RBM19: variants seen among roughly 807,000 people sequenced by gnomAD.
The protein encoded by RBM19 is RNA binding motif protein 19, also known as probable RNA-binding protein 19.
In RBM19, 94 loss-of-function variants were observed where a neutral mutation model predicts 116.8. The ratio of observed to expected loss-of-function variants is 0.80; its 90% CI spans 0.68 to 0.95. The LOEUF (loss-of-function observed/expected upper bound fraction) is 0.95. Among genes scored for constraint, RBM19 ranks in the 40% least tolerant of loss-of-function variants. The probability of loss-of-function intolerance (pLI) is 0.00; values close to 1 mark genes in which losing one functional copy is unlikely to be tolerated. For missense variants in RBM19, 1,161 were observed against 1,220.7 expected (o/e 0.95, Z 0.73); for synonymous variants, 475 against 494.1 (o/e 0.96, Z 0.51).
chr12:113,906,394 G>A (rs1164011549), intron 21 of RBM19, among the ~76,000 whole-genome samples: 2 of 152,162 alleles, frequency 1.3e-5, no homozygotes, highest in East Asian at 1.9e-4. Context: ...TTTACAGAAA[G>A]TACAAAAACA....
rs773723477 is a variant in RBM19 at position 113,903,006 on chromosome 12, A to G, written c.2558+11963T>C. 3.9e-5 allele frequency among the ~76,000 whole-genome samples: 6 copies of G among 152,148 alleles called. No homozygotes were observed. The highest frequency in any genetic ancestry group is 8.8e-5 in the Non-Finnish European group (6 of 68,024). The stretch of plus-strand genomic sequence containing the variant: ...AACCCTTGCCACAGCCAATTTTAGA[A>G]GATTTTCATTACCTCACACAGAAGT... On this transcript the variant is annotated intron_variant, in intron 21 of 23. Transcript: ENST00000261741. This position sits in a 1 kb window ranked among gnomAD's most constrained non-coding sequence, Gnocchi z 5.1.
intron 21 of RBM19, among the ~76,000 whole-genome samples, chr12:113,912,653 C>A (rs1361289476): frequency 6.6e-6 from 1 of 152,204 alleles, no homozygotes; most frequent in African/African-American, 2.4e-5. Context: ...CACGGGAAGG[C>A]ATTCAAGCTC....
At chr12:113,893,044 A>G (rs61930720) in intron 21 of RBM19, among the ~76,000 whole-genome samples, 1 of 146,184 alleles carries the variant, frequency 6.8e-6, no homozygotes, top group Non-Finnish European at 1.5e-5. Context: ...TTTTTTTTTA[A>G]TAAGAGAGAT....
chr12:113,880,466 C>T (rs930908940), intron 21 of RBM19, among the ~76,000 whole-genome samples: 5 of 152,206 alleles, frequency 3.3e-5, no homozygotes, highest in African/African-American at 1.2e-4. Flanking sequence ...TACGACAGCT[C>T]TTGTTCTGTG....
At chr12:113,820,682 G>A (rs565142689), downstream of RBM19, among the ~76,000 whole-genome samples, 1 of 152,272 alleles carries the variant, frequency 6.6e-6, no homozygotes, top group South Asian at 2.1e-4. Flanking sequence ...GGGGCACCCT[G>A]AGATCTCTGT....
chr12:113,918,438 C>T lies in RBM19; in HGVS notation c.2395G>A (p.Val799Met), dbSNP rs1252351010. The T allele has an allele frequency of 6.2e-6, 10 of 1,614,052 alleles. No individual in the cohort carries two copies. The highest frequency in any genetic ancestry group is 2.2e-5 in the East Asian group (1 of 44,882). The change falls in exon 20 of 24, where the codon GTG becomes ATG. Residue 799 changes from valine (V) to methionine (M), a missense_variant. Val to Met is a conservative substitution (Grantham distance 21). Coordinates refer to ENST00000261741, the MANE Select transcript of RBM19 (RefSeq NM_016196.4). ...KALKQLQGHV[V>M]DGHKLEVRIS... ...CTCACTTCCAGCTTGTGGCCGTCCA[C>T]GACGTGACCCTAAGAGAGAAGACAA...
chr12:113,828,099 CAA>C (rs34234377), intron 23 of RBM19, among the ~76,000 whole-genome samples: 274 of 67,296 alleles, frequency 4.1e-3, no homozygotes, highest in African/African-American at 0.01. Flanking sequence ...GACTCTGTCT[CAA>C]AAAAAAAAAA....
chr12:113,936,738 T>C (rs1363862655), intron 16 of RBM19: 1 of 321,920 alleles, frequency 3.1e-6, no homozygotes, highest in Admixed American at 4.7e-5. Flanking sequence ...TGTTTATACT[T>C]GCTCTGCTTT....
intron 21 of RBM19, among the ~76,000 whole-genome samples, chr12:113,888,582 C>T (rs2135802545): frequency 6.6e-6 from 1 of 152,120 alleles, no homozygotes; most frequent in Middle Eastern, 3.4e-3. Flanking sequence ...TTAAGAGAAA[C>T]ATGTGAGAGG....
intron 6 of RBM19, among the ~76,000 whole-genome samples, chr12:113,957,396 C>T (rs1872037627): frequency 1.3e-5 from 2 of 152,002 alleles, no homozygotes; most frequent in South Asian, 4.2e-4. Context: ...GCTAACATGA[C>T]AAAACCCCAT....
chr12:113,901,954 A>T (rs1175998117), intron 21 of RBM19, among the ~76,000 whole-genome samples: 3 of 152,126 alleles, frequency 2.0e-5, no homozygotes, highest in African/African-American at 4.8e-5. Context: ...CTTTTAAAAA[A>T]CCTTTGAATT....
intron 16 of RBM19, 132 bp from the exon 17 acceptor site, chr12:113,927,361 C>T: frequency 9.2e-7 from 1 of 1,084,572 alleles, no homozygotes; most frequent in South Asian, 1.7e-5. Context: ...CGGGCAGTGG[C>T]AGGAAGGGGC....
intron 21 of RBM19, among the ~76,000 whole-genome samples, chr12:113,907,966 C>A (rs1337047715): frequency 6.6e-6 from 1 of 152,158 alleles, no homozygotes; most frequent in African/African-American, 2.4e-5. Flanking sequence ...TGCCCCCTGA[C>A]CTAGGGCCTC....
At chr12:113,860,010 A>G (rs942203257) in intron 21 of RBM19, among the ~76,000 whole-genome samples, 1 of 152,236 alleles carries the variant, frequency 6.6e-6, no homozygotes, top group Non-Finnish European at 1.5e-5. Flanking sequence ...CCAATTTCTG[A>G]AGGCAGGACA....
intron 5 of RBM19, among the ~76,000 whole-genome samples, chr12:113,958,599 C>T (rs1017589937): frequency 1.3e-5 from 2 of 152,152 alleles, no homozygotes; most frequent in Admixed American, 6.5e-5. Flanking sequence ...CTGAGTTCCT[C>T]GGATGTGAAC....
At chr12:113,869,088 T>C (rs1444614600) in intron 21 of RBM19, among the ~76,000 whole-genome samples, 1 of 152,152 alleles carries the variant, frequency 6.6e-6, no homozygotes, top group African/African-American at 2.4e-5. Flanking sequence ...GAAAAGGATC[T>C]ATATTGGTGC....
At chr12:113,860,382 C>T (rs926685084) in intron 21 of RBM19, among the ~76,000 whole-genome samples, 2 of 152,228 alleles carry the variant, frequency 1.3e-5, no homozygotes, top group Non-Finnish European at 2.9e-5. Flanking sequence ...CCACCAAAGC[C>T]CCTCTGCCAT....
Position 113,839,423 on chromosome 12 carries a change from C to T in RBM19, c.2785+5245G>A, listed in dbSNP as rs994244327. ...TAGCACGCCTGCTCTGTGCTGGACA[C>T]ACTCCAGGCATCACCTCACTTTCCC... On this transcript the variant is annotated intron_variant, in intron 23 of 23. Transcript: ENST00000261741. Among the ~76,000 whole-genome samples, 3 of 152,224 alleles carry T rather than the reference C, an allele frequency of 2.0e-5. No individual in the cohort carries two copies. The South Asian group carries it at 6.2e-4, about 32-fold the overall frequency.
In RBM19 at chr12:113,966,189, C is replaced by T; in HGVS notation, c.36+3G>A. 1 of 1,614,274 alleles carries T rather than the reference C, an allele frequency of 6.2e-7. No homozygotes were observed. Among genetic ancestry groups the T allele is most frequent in the South Asian group, 1.1e-5 (1 of 91,092 alleles). On this transcript the variant is annotated splice_donor_region_variant and intron_variant, in intron 1 of 23. Transcript: ENST00000261741. ...GATTCCCAAGTCCTGCCTCTGCACT[C>T]ACCCCATTCGGGAGATTCTTCACGA...
Sources: gnomAD v4.1 joint callset for allele counts (sites outside exome capture counted in the v4.1 genomes callset) on GRCh38, gnomAD v4.1.1 for gene constraint, Gnocchi (gnomAD v3.1) non-coding constraint, MANE v1.5 for transcripts, NCBI Gene and HGNC (gene_info 2026-07-23, HGNC 2026-07-21) for gene names.